Variants in ASTN1 observed in about 807,000 individuals in gnomAD.
The protein encoded by ASTN1 is astrotactin 1.
ASTN1 carries 41 observed loss-of-function variants against 140.7 expected under a neutral mutation model. The observed-to-expected ratio is 0.29, with a 90% CI of 0.23 to 0.38. The LOEUF is 0.38. Ranked by LOEUF, ASTN1 falls within the 10% of genes least tolerant of loss-of-function variation. The pLI is 1.00. For missense variants in ASTN1, 1,479 were observed against 1,678.8 expected (o/e 0.88, Z 2.08); for synonymous variants, 640 against 652.2 (o/e 0.98, Z 0.29).
rs539720061 is a variant in ASTN1, at chr1:176,898,478, T to C, written c.2672-3648A>G. 2.6e-5 allele frequency among the ~76,000 whole-genome samples: 4 copies of C among 152,318 alleles called. No homozygotes were observed. The South Asian group carries it at 6.2e-4, about 24-fold the overall frequency. On this transcript the variant is annotated intron_variant, in intron 16 of 22. Transcript: ENST00000361833. ...TTTTTCAAAGAAGAAATGCATTTCCTATGTTCAGTTAAAGATACAATTGGG... is the reference window on the plus strand; with the variant it reads ...TTTTTCAAAGAAGAAATGCATTTCCCATGTTCAGTTAAAGATACAATTGGG...
chr1:177,094,398 T>C (rs1679922942), intron 1 of ASTN1, among the ~76,000 whole-genome samples: 1 of 152,208 alleles, frequency 6.6e-6, no homozygotes, highest in Non-Finnish European at 1.5e-5. Flanking sequence ...TTGTTTTCTA[T>C]GTATAATCCA....
At chr1:176,897,517 G>A (rs13375345) in intron 16 of ASTN1, among the ~76,000 whole-genome samples, 2 of 151,806 alleles carry the variant, frequency 1.3e-5, no homozygotes, top group Non-Finnish European at 2.9e-5. Flanking sequence ...GAATTTCCAC[G>A]ACATGACCGC....
chr1:176,865,998 C>G lies in ASTN1; in HGVS notation c.3648-1477G>C, dbSNP rs539833788. Among the ~76,000 whole-genome samples the G allele has an allele frequency of 3.3e-5, 5 of 152,316 alleles. No homozygotes were observed. The East Asian group carries it at 9.6e-4, about 29-fold the overall frequency. ...ATTACCTCCCCTGAGGTCCCTCCCACAACACATGAGAATTCAAGATGAGAT... is the reference window on the plus strand; with the variant it reads ...ATTACCTCCCCTGAGGTCCCTCCCAGAACACATGAGAATTCAAGATGAGAT... On this transcript the variant is annotated intron_variant, in intron 22 of 22. Coordinates refer to ENST00000361833, the MANE Select transcript of ASTN1 (RefSeq NM_004319.3).
At chr1:176,922,020 G>A (rs899449602) in intron 16 of ASTN1, among the ~76,000 whole-genome samples, 1 of 152,174 alleles carries the variant, frequency 6.6e-6, no homozygotes, top group African/African-American at 2.4e-5. Context: ...TGCAGAAGAT[G>A]GGGTAGGAGT....
At chr1:177,063,733 C>T (rs1024881642) in intron 1 of ASTN1, among the ~76,000 whole-genome samples, 1 of 152,152 alleles carries the variant, frequency 6.6e-6, no homozygotes, top group Non-Finnish European at 1.5e-5. Flanking sequence ...AACACACTCT[C>T]CTCCTGTGAG....
chr1:176,927,730 C>A (rs1671031368), intron 16 of ASTN1, among the ~76,000 whole-genome samples: 1 of 152,256 alleles, frequency 6.6e-6, no homozygotes, highest in African/African-American at 2.4e-5. Context: ...GTAATTCCTC[C>A]CAGACTTTGG....
chr1:176,974,812 C>A (rs546970104), intron 8 of ASTN1, among the ~76,000 whole-genome samples: 1 of 152,304 alleles, frequency 6.6e-6, no homozygotes, highest in Non-Finnish European at 1.5e-5. Context: ...GCAATAAAGA[C>A]AAATACACAT....
At chr1:176,935,643 G>T (rs1250766887) in intron 15 of ASTN1, among the ~76,000 whole-genome samples, 1 of 151,964 alleles carries the variant, frequency 6.6e-6, no homozygotes, top group African/African-American at 2.4e-5. Flanking sequence ...TCCTCCCATT[G>T]GCCCTAAGGC....
intron 1 of ASTN1, among the ~76,000 whole-genome samples, chr1:177,117,485 A>G (rs1246218072): frequency 6.6e-6 from 1 of 152,192 alleles, no homozygotes; most frequent in Non-Finnish European, 1.5e-5. Flanking sequence ...CTTGGGGTAT[A>G]TAAGTTAACA....
chr1:177,078,100 A>G (rs2205787), intron 1 of ASTN1, among the ~76,000 whole-genome samples: 69,254 of 151,990 alleles, frequency 0.46, 17,226 homozygotes, highest in Non-Finnish European at 0.57. Flanking sequence ...GTAGAGAAAA[A>G]ACATGTGGCA....
intron 1 of ASTN1, among the ~76,000 whole-genome samples, chr1:177,112,329 G>A (rs895197286): frequency 6.6e-6 from 1 of 152,220 alleles, no homozygotes; most frequent in African/African-American, 2.4e-5. Flanking sequence ...GAGGGAATAT[G>A]TTGAAGGCAC....
chr1:176,944,012 G>A lies in ASTN1; in HGVS notation c.2256C>T (p.Asn752=). ...GQVLKGTFRQ[N]NFARGLDQQL... ...GCTGGTCTAAACCACGAGCAAAGTT[G>A]TTTTGCCTAGAAAGAGGGTAGACCT... The change falls in exon 14 of 23, where the codon AAC becomes AAT. Residue 752 remains asparagine (N), a synonymous_variant. Coordinates refer to ENST00000361833, the MANE Select transcript of ASTN1 (RefSeq NM_004319.3). 6.2e-7 allele frequency: 1 copy of A among 1,613,474 alleles called. No individual in the cohort carries two copies. Among genetic ancestry groups the A allele is most frequent in the Non-Finnish European group, 8.5e-7 (1 of 1,179,778 alleles).
intron 8 of ASTN1, among the ~76,000 whole-genome samples, chr1:177,001,205 T>C (rs1405907039): frequency 6.6e-6 from 1 of 152,202 alleles, no homozygotes; most frequent in Non-Finnish European, 1.5e-5. Context: ...TTCCAGACAG[T>C]GTATTAAGGT....
intron 2 of ASTN1, among the ~76,000 whole-genome samples, chr1:177,059,253 C>T (rs1449139281): frequency 6.6e-6 from 1 of 152,076 alleles, no homozygotes; most frequent in Non-Finnish European, 1.5e-5. Context: ...CCATTGTGCC[C>T]TTCTTTTTAG....
chr1:177,024,473 C>T, intron 6 of ASTN1, 110 bp downstream of exon 6: 2 of 1,379,450 alleles, frequency 1.4e-6, no homozygotes, highest in African/African-American at 1.4e-5. Flanking sequence ...TTTGGTTTTC[C>T]CCCGGTAGAG....
intron 11 of ASTN1, among the ~76,000 whole-genome samples, chr1:176,956,056 G>T (rs1019724781): frequency 6.6e-6 from 1 of 152,040 alleles, no homozygotes; most frequent in Non-Finnish European, 1.5e-5. Flanking sequence ...GGAGCACATT[G>T]CTTAAGACAT....
At chr1:176,926,539 C>CAGCT (rs1035108523) in intron 16 of ASTN1, among the ~76,000 whole-genome samples, 5 of 152,238 alleles carry the variant, frequency 3.3e-5, no homozygotes, top group African/African-American at 1.2e-4. Context: ...TGTTGTGGAA[C>CAGCT]AGCTGCCTTC....
At chr1:176,910,144 T>A (rs772613817) in intron 16 of ASTN1, among the ~76,000 whole-genome samples, 12 of 152,238 alleles carry the variant, frequency 7.9e-5, no homozygotes, top group Non-Finnish European at 1.3e-4. Flanking sequence ...TTCACTGCTA[T>A]ATTTCCAAAT....
chr1:176,863,192 G>C lies in ASTN1; in HGVS notation c.*1092C>G. On this transcript the variant is annotated 3_prime_UTR_variant, in exon 23 of 23. Coordinates refer to ENST00000361833, the MANE Select transcript of ASTN1 (RefSeq NM_004319.3). ...ACCATGGTGGAATCCTCCTGCTTAT[G>C]GTCATCAGAGAAACGATTTGCAAAA... 1.0e-6 allele frequency: 1 copy of C among 985,898 alleles called. No homozygotes were observed. The highest frequency in any genetic ancestry group is 1.1e-4 in the East Asian group (1 of 8,820). 61.1% of individuals were successfully genotyped at this position (985,898 alleles called of 1,614,324 possible). A position where few individuals can be genotyped will look rare whatever the true frequency, so the allele number is the denominator to read the frequency against.
Sources: allele counts gnomAD v4.1 joint callset (sites outside exome capture counted in the v4.1 genomes callset), GRCh38; gene constraint gnomAD v4.1.1; transcripts MANE v1.5; gene names NCBI Gene and HGNC (gene_info 2026-07-23, HGNC 2026-07-21).